Variants in TRAPPC9 observed in about 807,000 individuals in gnomAD.
TRAPPC9 encodes the protein trafficking protein particle complex subunit 9.
TRAPPC9 carries 83 observed loss-of-function variants against 124.0 expected under a neutral mutation model. That is an observed-to-expected ratio of 0.67 (90% confidence interval 0.56 to 0.80). TRAPPC9 has a LOEUF of 0.80. Among genes scored for constraint, TRAPPC9 ranks in the 30% least tolerant of loss-of-function variants. TRAPPC9 has a pLI of 0.00. For synonymous variants in TRAPPC9, 638 were observed against 617.5 expected, an observed-to-expected ratio of 1.03 and a Z score of -0.49; for missense variants, 1,302 against 1,508.3, an observed-to-expected ratio of 0.86 and a Z score of 2.27.
At chr8:139,850,016 C>A (rs1237700799) in intron 21 of TRAPPC9, among the ~76,000 whole-genome samples, 1 of 152,198 alleles carries the variant, frequency 6.6e-6, no homozygotes, top group Non-Finnish European at 1.5e-5. Flanking sequence ...CTCTGCTTCT[C>A]GGTTCCCGCA....
intron 21 of TRAPPC9, among the ~76,000 whole-genome samples, chr8:139,819,485 T>G (rs1374207928): frequency 6.6e-6 from 1 of 152,172 alleles, no homozygotes; most frequent in Admixed American, 6.5e-5. Context: ...GACCACCTGC[T>G]CTAGCATTTA....
intron 7 of TRAPPC9, among the ~76,000 whole-genome samples, chr8:140,377,432 G>A (rs2068474714): frequency 6.6e-6 from 1 of 152,166 alleles, no homozygotes; most frequent in African/African-American, 2.4e-5. Context: ...CTCAGGAGCT[G>A]TGATTACAGG....
intron 21 of TRAPPC9, among the ~76,000 whole-genome samples, chr8:139,802,492 G>A (rs2130687257): frequency 6.6e-6 from 1 of 152,308 alleles, no homozygotes; most frequent in Non-Finnish European, 1.5e-5. Context: ...CACCCAGTGA[G>A]GACTCAGGCA....
intron 18 of TRAPPC9, among the ~76,000 whole-genome samples, chr8:140,015,730 C>T (rs889332668): frequency 9.2e-5 from 14 of 152,122 alleles, no homozygotes; most frequent in Admixed American, 3.3e-4. Context: ...ATCACTTGAA[C>T]CTGGGAGGCA....
intron 21 of TRAPPC9, among the ~76,000 whole-genome samples, chr8:139,751,738 C>A (rs1819320778): frequency 6.6e-6 from 1 of 151,850 alleles, no homozygotes; most frequent in Non-Finnish European, 1.5e-5. Flanking sequence ...AGCATCCATC[C>A]ATCCATCCAT....
At chr8:140,457,157 C>A (rs186390555) in intron 1 of TRAPPC9, among the ~76,000 whole-genome samples, 1 of 152,352 alleles carries the variant, frequency 6.6e-6, no homozygotes, top group Non-Finnish European at 1.5e-5. Flanking sequence ...GGGGCGTGGG[C>A]TGTGCTGGGC....
At chr8:139,924,958 C>T (rs1156246969) in intron 19 of TRAPPC9, among the ~76,000 whole-genome samples, 1 of 152,198 alleles carries the variant, frequency 6.6e-6, no homozygotes, top group Non-Finnish European at 1.5e-5. Flanking sequence ...AGTGTGGCCC[C>T]AGAGGGTAGA....
At chr8:140,284,087 G>A in intron 13 of TRAPPC9, 66 bp from the exon 14 acceptor site, 1 of 1,605,080 alleles carries the variant, frequency 6.2e-7, no homozygotes, top group South Asian at 1.1e-5. Flanking sequence ...CACGGCTGAA[G>A]CAGTGCGAAG....
intron 9 of TRAPPC9, among the ~76,000 whole-genome samples, chr8:140,323,245 G>A (rs1293781248): frequency 4.6e-5 from 7 of 152,192 alleles, no homozygotes; most frequent in South Asian, 2.1e-4. Flanking sequence ...CTCTGAGCCC[G>A]TTCTCCCACA....
intron 5 of TRAPPC9, among the ~76,000 whole-genome samples, chr8:140,425,151 G>A (rs1038607231): frequency 2.0e-5 from 3 of 152,190 alleles, no homozygotes; most frequent in East Asian, 1.9e-4. Context: ...TTTCAGTAGC[G>A]AGTCAGTCCT....
At chr8:140,220,623 A>T (rs2063317836) in intron 17 of TRAPPC9, among the ~76,000 whole-genome samples, 1 of 151,970 alleles carries the variant, frequency 6.6e-6, no homozygotes, top group African/African-American at 2.4e-5. Context: ...ATCAGATAGC[A>T]CCCCATGCTC....
At chr8:140,280,640 G>A (rs1291092903) in intron 14 of TRAPPC9, among the ~76,000 whole-genome samples, 2 of 151,666 alleles carry the variant, frequency 1.3e-5, no homozygotes, top group Non-Finnish European at 2.9e-5. Flanking sequence ...CACCATGTTG[G>A]TCAGGCTGGT....
intron 16 of TRAPPC9, among the ~76,000 whole-genome samples, chr8:140,239,523 G>A (rs1284354079): frequency 3.3e-5 from 5 of 152,194 alleles, no homozygotes; most frequent in African/African-American, 4.8e-5. Flanking sequence ...TGAGGGTGGT[G>A]GAGTGAGAAG....
intron 20 of TRAPPC9, among the ~76,000 whole-genome samples, chr8:139,905,868 G>A (rs1181035595): frequency 6.6e-6 from 1 of 152,068 alleles, no homozygotes; most frequent in Non-Finnish European, 1.5e-5. Context: ...GCCGAGGCGG[G>A]CGGATCACGA....
chr8:139,950,524 T>C (rs933572479), intron 19 of TRAPPC9, among the ~76,000 whole-genome samples: 2 of 152,174 alleles, frequency 1.3e-5, no homozygotes, highest in African/African-American at 2.4e-5. Flanking sequence ...AGATAACCAG[T>C]TGGCCGAGTT....
At chr8:140,078,400 C>T (rs1313259299) in intron 17 of TRAPPC9, among the ~76,000 whole-genome samples, 2 of 152,158 alleles carry the variant, frequency 1.3e-5, no homozygotes, top group African/African-American at 4.8e-5. Context: ...CCACCAAAAT[C>T]TTGGCCTCAG....
intron 17 of TRAPPC9, among the ~76,000 whole-genome samples, chr8:140,036,822 T>C (rs1220432207): frequency 6.6e-6 from 1 of 152,190 alleles, no homozygotes; most frequent in Non-Finnish European, 1.5e-5. Context: ...CGGAAAATCA[T>C]CACGATCACA....
At chr8:139,817,347 A>C (rs531871598) in intron 21 of TRAPPC9, among the ~76,000 whole-genome samples, 12 of 152,318 alleles carry the variant, frequency 7.9e-5, no homozygotes, top group African/African-American at 2.6e-4. Context: ...TGAGGACAGA[A>C]TCTTAGAATG....
intron 21 of TRAPPC9, among the ~76,000 whole-genome samples, chr8:139,879,437 C>T (rs1431910442): frequency 1.3e-5 from 2 of 152,192 alleles, no homozygotes; most frequent in African/African-American, 2.4e-5. Context: ...TCTTCTCATG[C>T]ACCACCACAC....
Sources: gnomAD v4.1 joint callset for allele counts (sites outside exome capture counted in the v4.1 genomes callset) on GRCh38, gnomAD v4.1.1 for gene constraint, MANE v1.5 for transcripts, NCBI Gene and HGNC (gene_info 2026-07-23, HGNC 2026-07-21) for gene names.